SLC9A5: variants seen among roughly 807,000 people sequenced by gnomAD.
SLC9A5 encodes sodium/hydrogen exchanger 5.
A neutral mutation model predicts 91.7 loss-of-function variants in SLC9A5; 52 were observed. The observed-to-expected ratio is 0.57, with a 90% CI of 0.45 to 0.71. The LOEUF (loss-of-function observed/expected upper bound fraction) is 0.71, where lower values mean the gene tolerates loss of function less well. SLC9A5 is among the 30% of genes least tolerant of loss of function. The pLI is 0.00. For missense variants in SLC9A5, 871 were observed against 1,158.9 expected (o/e 0.75, Z 3.61); for synonymous variants, 419 against 474.5 (o/e 0.88, Z 1.52).
chr16:67,271,581 C>T lies in SLC9A5; in HGVS notation c.*371C>T. On this transcript the variant is annotated 3_prime_UTR_variant, in exon 16 of 16. Transcript: ENST00000299798. The stretch of plus-strand genomic sequence containing the variant: ...GCAAAGCAAGAGCATCATTCCTATT[C>T]TTCAGTGGATGCCAGCCTTCCCTGC... 4.2e-6 allele frequency: 1 copy of T among 238,146 alleles called. No homozygotes were observed. Among genetic ancestry groups the T allele is most frequent in the Admixed American group, 4.9e-5 (1 of 20,440 alleles). 14.8% of individuals were successfully genotyped at this position (238,146 alleles called of 1,614,324 possible).
At chr16:67,251,457 A>C (rs1439593720) in intron 1 of SLC9A5, among the ~76,000 whole-genome samples, 2 of 116,034 alleles carry the variant, frequency 1.7e-5, no homozygotes, top group Non-Finnish European at 3.2e-5. Context: ...TCTGTCACCC[A>C]GGCTGGAGTA....
chr16:67,249,023 C>T lies in SLC9A5; in HGVS notation c.9C>T (p.Arg3=). 1 of 1,426,194 alleles carries T rather than the reference C, an allele frequency of 7.0e-7. No homozygotes were observed. The allele number at this position is 1,426,194 out of a possible 1,614,324, so 88.3% of individuals were successfully genotyped here. Residue 3 remains arginine, a synonymous_variant, in exon 1 of 16, where the codon CGC becomes CGT. Transcript: ENST00000299798. The part of the protein sequence containing the change: ML[R]AALSLLALPL... ...GCTGGGCAGGCGGCAGGATGCTGCG[C>T]GCCGCCCTGTCCCTGCTCGCGCTGC...
Position 67,257,137 on chromosome 16 carries a change from T to C in SLC9A5, c.1335+24T>C. 1 of 1,596,638 alleles carries C rather than the reference T, an allele frequency of 6.3e-7. No homozygotes were observed. The highest frequency in any genetic ancestry group is 1.1e-5 in the South Asian group (1 of 90,372). On this transcript the variant is annotated intron_variant, in intron 7 of 15. Transcript: ENST00000299798. The surrounding 1 kb of genome is among the most constrained non-coding windows in gnomAD (Gnocchi z 5.1). Reference sequence around the variant, plus strand: ...AGGTGGGAGTGCCCACAAGGCTGGGTAGGGAGAGGGTTGGGCAGGCCCTGG... The same window carrying C: ...AGGTGGGAGTGCCCACAAGGCTGGGCAGGGAGAGGGTTGGGCAGGCCCTGG...
At chr16:67,250,180 G>GTCAC (rs1442267301) in intron 1 of SLC9A5, among the ~76,000 whole-genome samples, 2 of 152,208 alleles carry the variant, frequency 1.3e-5, no homozygotes, top group Non-Finnish European at 1.5e-5. Flanking sequence ...CACTGCTAGG[G>GTCAC]GGTGAGGGGG....
At chr16:67,266,369 CCAGATGCCCGACATAGGTAATATT>C (rs2035705134) in intron 15 of SLC9A5, 144 bp downstream of exon 15, 1 of 808,132 alleles carries the variant, frequency 1.2e-6, no homozygotes, top group Non-Finnish European at 1.9e-6. Context: ...CTTCTTCATA[CCAGATGCCCGACATAGGTAATATT>C]CAACCCTCAC....
chr16:67,268,497 G>A (rs2035791398), intron 15 of SLC9A5, among the ~76,000 whole-genome samples: 2 of 149,672 alleles, frequency 1.3e-5, no homozygotes, highest in South Asian at 4.3e-4. Flanking sequence ...AGGAGGCTGA[G>A]GCTGCAGTGA....
chr16:67,261,118 G>A (rs929303165), intron 12 of SLC9A5: 4 of 152,224 alleles, frequency 2.6e-5, no homozygotes, highest in African/African-American at 7.2e-5. Context: ...AAAAAACAGC[G>A]CCCAGAATGG....
Position 67,258,048 on chromosome 16 carries a change from G to A in SLC9A5, c.1497-270G>A, listed in dbSNP as rs1247044430. 2.6e-5 allele frequency among the ~76,000 whole-genome samples: 4 copies of A among 152,228 alleles called. No homozygotes were observed. The highest frequency in any genetic ancestry group is 5.9e-5 in the Non-Finnish European group (4 of 68,048). On this transcript the variant is annotated intron_variant, in intron 9 of 15. Transcript: ENST00000299798. The surrounding 1 kb of genome is among the most constrained non-coding windows in gnomAD (Gnocchi z 4.5). Reference sequence around the variant, plus strand: ...CTTCCCTGGCCTCCCTGGCTAGGACGTATCTGTGTCATATTCTCTAATTAT... The same window carrying A: ...CTTCCCTGGCCTCCCTGGCTAGGACATATCTGTGTCATATTCTCTAATTAT...
At chr16:67,262,437 A>T (rs1261306814) in intron 12 of SLC9A5, 1 of 325,058 alleles carries the variant, frequency 3.1e-6, no homozygotes, top group African/African-American at 2.2e-5. Flanking sequence ...TAGAGAGATA[A>T]GGGCTGGAGA....
chr16:67,268,178 T>C (rs78986937), intron 15 of SLC9A5, among the ~76,000 whole-genome samples: 1 of 134,954 alleles, frequency 7.4e-6, no homozygotes, highest in South Asian at 2.5e-4. Flanking sequence ...TGCCCAGCCT[T>C]TTTTTTTTTT....
intron 15 of SLC9A5, among the ~76,000 whole-genome samples, chr16:67,266,874 C>T (rs563149585): frequency 1.4e-4 from 21 of 147,770 alleles, no homozygotes; most frequent in Non-Finnish European, 3.0e-4. Context: ...TTTTAAATGC[C>T]ATTCTTGCAT....
At position 67,270,085 on chromosome 16, in the gene SLC9A5, G is replaced by C. The variant is rs1401902185; in HGVS notation, c.2219-653G>C. On this transcript the variant is annotated intron_variant, in intron 15 of 15. Coordinates refer to ENST00000299798, the MANE Select transcript of SLC9A5 (RefSeq NM_004594.3). This position sits in a 1 kb window ranked among gnomAD's most constrained non-coding sequence, Gnocchi z 4.3. ...TCCCTCGCTGGTTGGCTGGGATGGG[G>C]CTTGGCAGGAGGCTGTTTCAGAGAC... 6.6e-6 allele frequency among the ~76,000 whole-genome samples: 1 copy of C among 152,192 alleles called. No individual in the cohort carries two copies. The highest frequency in any genetic ancestry group is 1.5e-5 in the Non-Finnish European group (1 of 68,032).
chr16:67,252,703 T>C lies in SLC9A5; in HGVS notation c.349T>C (p.Leu117=), dbSNP rs755616418. 1.2e-6 allele frequency: 2 copies of C among 1,614,250 alleles called. No homozygotes were observed. The highest frequency in any genetic ancestry group is 1.1e-5 in the South Asian group (1 of 91,092). Residue 117 remains leucine, a synonymous_variant, in exon 2 of 16, where the codon TTG becomes CTG. Transcript: ENST00000299798. The surrounding 1 kb of genome is among the most constrained non-coding windows in gnomAD (Gnocchi z 4.0). ...FFLFLLPPIV[L]DSGYFMPSRL... Reference sequence around the variant, plus strand: ...CCTCTTCCTGCTGCCTCCTATTGTGTTGGACTCAGGCTATTTCATGCCTAG... The same window carrying C: ...CCTCTTCCTGCTGCCTCCTATTGTGCTGGACTCAGGCTATTTCATGCCTAG...
At chr16:67,266,793 G>C (rs1263356068) in intron 15 of SLC9A5, among the ~76,000 whole-genome samples, 1 of 151,034 alleles carries the variant, frequency 6.6e-6, no homozygotes, top group Non-Finnish European at 1.5e-5. Flanking sequence ...CACCCACCTT[G>C]GTCTCCCAAA....
At chr16:67,267,928 C>T (rs1196391888) in intron 15 of SLC9A5, among the ~76,000 whole-genome samples, 1 of 152,190 alleles carries the variant, frequency 6.6e-6, no homozygotes, top group African/African-American at 2.4e-5. Context: ...TATGCCCCAC[C>T]CTCCACTGGG....
chr16:67,268,567 G>A (rs1168360529), intron 15 of SLC9A5, among the ~76,000 whole-genome samples: 1 of 146,346 alleles, frequency 6.8e-6, no homozygotes, highest in African/African-American at 2.5e-5. Flanking sequence ...GTCTCTTGGG[G>A]AAGAAAAAAG....
rs1276118676 is a variant in SLC9A5, at chr16:67,255,460, T to G, written c.722T>G (p.Leu241Arg). The G allele has an allele frequency of 1.2e-6, 2 of 1,614,102 alleles. No homozygotes were observed. Among genetic ancestry groups the G allele is most frequent in the Admixed American group, 1.7e-5 (1 of 60,026 alleles). Residue 241 changes from leucine to arginine, a missense_variant, in exon 4 of 16, where the codon CTG becomes CGG. This residue lies in a region of SLC9A5 where 454 missense variants were observed against 718.3 expected (regional missense o/e 0.63). Coordinates refer to ENST00000299798, the MANE Select transcript of SLC9A5 (RefSeq NM_004594.3). This position sits in a 1 kb window ranked among gnomAD's most constrained non-coding sequence, Gnocchi z 4.9. ...GSANVQATDY[L>R]KGVASLFVVS... ...GCCAATGTGCAGGCCACTGACTACC[T>G]GAAGGGAGTCGGTCAGTATTTCCCC...
Position 67,256,640 on chromosome 16 carries a change from TG to T in SLC9A5, c.1086del (p.Leu363TrpfsTer17). On this transcript the variant is annotated frameshift_variant, in exon 6 of 16. Coordinates refer to ENST00000299798, the MANE Select transcript of SLC9A5 (RefSeq NM_004594.3). LOFTEE classifies it high-confidence loss of function. This position sits in a 1 kb window ranked among gnomAD's most constrained non-coding sequence, Gnocchi z 4.1. ...VDSSKWAWDSGLVLGTLIFIL... is the reference protein window; with the variant it reads ...VDSSKWAWDSXLVLGTLIFIL... ...ACTCTTCTAAGTGGGCCTGGGATTC[TG>T]GGCTGGTGCTGGGCACCCTCATCTT... The T allele has an allele frequency of 6.2e-7, 1 of 1,614,006 alleles. No homozygotes were observed. The highest frequency in any genetic ancestry group is 8.5e-7 in the Non-Finnish European group (1 of 1,180,032).
Position 67,265,099 on chromosome 16 carries a change from G to A in SLC9A5, c.2073G>A (p.Gln691=). The change falls in exon 14 of 16, where the codon CAG becomes CAA. Residue 691 remains glutamine, a synonymous_variant. Transcript: ENST00000299798. ...TNGKHRGLGF[Q]DTAAVILTVE... ...GGAAACATCGAGGCCTGGGCTTTCA[G>A]GACACAGGCAAGCAGGGAGCAGTGT... 9 of 1,614,056 alleles carry A rather than the reference G, an allele frequency of 5.6e-6. No individual in the cohort carries two copies. Among genetic ancestry groups the A allele is most frequent in the Non-Finnish European group, 5.1e-6 (6 of 1,179,960 alleles).
Sources: gnomAD v4.1 joint callset for allele counts (sites outside exome capture counted in the v4.1 genomes callset) on GRCh38, gnomAD v4.1.1 for gene constraint, gnomAD v4.1.1 regional missense constraint, Gnocchi (gnomAD v3.1) non-coding constraint, MANE v1.5 for transcripts, NCBI Gene and HGNC (gene_info 2026-07-23, HGNC 2026-07-21) for gene names.